Variants in PCDHA6 observed in about 807,000 individuals in gnomAD.
PCDHA6 encodes protocadherin alpha 6.
In PCDHA6, 55 loss-of-function variants were observed where a neutral mutation model predicts 60.3. The observed-to-expected ratio is 0.91, with a 90% confidence interval of 0.73 to 1.14. The LOEUF is 1.14. PCDHA6 is among the 50% of genes most tolerant of loss of function. PCDHA6 has a pLI of 0.00. For missense variants in PCDHA6, 1,327 were observed against 1,256.5 expected, an observed-to-expected ratio of 1.06 and a Z score of -0.85; for synonymous variants, 652 against 557.9, an observed-to-expected ratio of 1.17 and a Z score of -2.38.
intron 1 of PCDHA6, chr5:140,926,257 C>CT (rs1336723706): frequency 4.6e-5 from 7 of 152,300 alleles, no homozygotes; most frequent in African/African-American, 1.7e-4. Flanking sequence ...ACCGTCCCGC[C>CT]TCTCGCCGCC....
chr5:140,970,473 CA>C (rs1177454514), intron 1 of PCDHA6, among the ~76,000 whole-genome samples: 4 of 151,956 alleles, frequency 2.6e-5, no homozygotes, highest in African/African-American at 9.7e-5. Flanking sequence ...GGTATAAGGC[CA>C]GCTTGTTCAT....
At chr5:140,967,944 A>T in intron 1 of PCDHA6, 1 of 1,614,088 alleles carries the variant, frequency 6.2e-7, no homozygotes, top group Non-Finnish European at 8.5e-7. Flanking sequence ...AATGACCAAG[A>T]CTCAGGCCCC....
At chr5:140,896,657 A>G (rs1554187043) in intron 1 of PCDHA6, among the ~76,000 whole-genome samples, 1 of 152,010 alleles carries the variant, frequency 6.6e-6, no homozygotes, top group East Asian at 1.9e-4. Flanking sequence ...TATTACAGGC[A>G]TGAGTCACTG....
chr5:140,869,340 G>A (rs1554162920), intron 1 of PCDHA6: 4 of 1,614,018 alleles, frequency 2.5e-6, no homozygotes, highest in Non-Finnish European at 3.4e-6. Flanking sequence ...AGGTAAATCT[G>A]CAGAATGGCA....
intron 1 of PCDHA6, among the ~76,000 whole-genome samples, chr5:140,916,135 T>TG (rs1178819787): frequency 6.6e-6 from 1 of 152,126 alleles, no homozygotes; most frequent in Non-Finnish European, 1.5e-5. Flanking sequence ...GCTTAAGGGC[T>TG]GTTCAGTTGT....
intron 1 of PCDHA6, among the ~76,000 whole-genome samples, chr5:140,886,931 G>A (rs1426144437): frequency 6.6e-6 from 1 of 151,756 alleles, no homozygotes; most frequent in Non-Finnish European, 1.5e-5. Context: ...CTATGTGCCA[G>A]GCATGTTCTA....
chr5:140,935,605 T>C (rs1554210594), intron 1 of PCDHA6, among the ~76,000 whole-genome samples: 4 of 152,228 alleles, frequency 2.6e-5, no homozygotes. Flanking sequence ...AGAGCTAGGC[T>C]TTTTTCAAGT....
intron 1 of PCDHA6, chr5:140,863,295 C>A: frequency 6.8e-7 from 1 of 1,463,648 alleles, no homozygotes; most frequent in South Asian, 1.1e-5. Context: ...TGTACCTGAT[C>A]ATCGCCATCT....
At position 140,843,586 on chromosome 5, in the gene PCDHA6, G is replaced by A. The variant is rs2150363126; in HGVS notation, c.2394+13101G>A. 23 of 1,596,010 alleles carry A rather than the reference G, an allele frequency of 1.4e-5. 4 individuals carry two copies. The highest frequency in any genetic ancestry group is 5.4e-5 in the African/African-American group (4 of 74,542). ...GCTGGTCATACTCGCAACAACAGCC[G>A]CAGAGGGTGTGCTCTGGTGAGGGGC... On this transcript the variant is annotated intron_variant, in intron 1 of 3. Coordinates refer to ENST00000529310, the MANE Select transcript of PCDHA6 (RefSeq NM_018909.4).
At chr5:140,952,807 C>T (rs1390694306) in intron 1 of PCDHA6, among the ~76,000 whole-genome samples, 2 of 152,158 alleles carry the variant, frequency 1.3e-5, no homozygotes, top group Admixed American at 6.5e-5. Context: ...CGCAGTTCTG[C>T]AGGCTGTACA....
At position 140,903,003 on chromosome 5, in the gene PCDHA6, A is replaced by C. The variant is rs115622636; in HGVS notation, c.2394+72518A>C. On this transcript the variant is annotated intron_variant, in intron 1 of 3. Transcript: ENST00000529310. ...TGGTTCCATATTTTTGCAATTGTGAATTGTGCTGCTATCAACATGGCTTGC... is the reference window on the plus strand; with the variant it reads ...TGGTTCCATATTTTTGCAATTGTGACTTGTGCTGCTATCAACATGGCTTGC... Among the ~76,000 whole-genome samples the C allele has an allele frequency of 4.6e-3, 703 of 152,302 alleles. 3 individuals are homozygous for C. The highest frequency in any genetic ancestry group is 0.016 in the African/African-American group (680 of 41,574).
At chr5:140,858,424 C>T in intron 1 of PCDHA6, 3 of 1,553,410 alleles carry the variant, frequency 1.9e-6, no homozygotes, top group Non-Finnish European at 2.6e-6. Context: ...TTGGAGGGGA[C>T]CACTCTAGGA....
intron 1 of PCDHA6, chr5:140,859,356 A>T (rs1159666697): frequency 4.0e-6 from 1 of 251,742 alleles, no homozygotes; most frequent in African/African-American, 2.3e-5. Context: ...TACTGATCTG[A>T]TATATTGTAT....
At chr5:141,006,423 C>T (rs1554260738) in intron 3 of PCDHA6, among the ~76,000 whole-genome samples, 1 of 152,060 alleles carries the variant, frequency 6.6e-6, no homozygotes, top group African/African-American at 2.4e-5. Context: ...CTGTGTTAGC[C>T]AGGATGGTCT....
At chr5:140,889,267 A>C (rs1376262292) in intron 1 of PCDHA6, among the ~76,000 whole-genome samples, 1 of 151,966 alleles carries the variant, frequency 6.6e-6, no homozygotes. Context: ...AAGTTTGTAT[A>C]ATCTTTGAAT....
intron 1 of PCDHA6, among the ~76,000 whole-genome samples, chr5:140,923,640 T>G (rs2081459480): frequency 6.6e-6 from 1 of 152,234 alleles, no homozygotes; most frequent in African/African-American, 2.4e-5. Flanking sequence ...GCAAAAATCT[T>G]TAGCCTCCCT....
At chr5:140,934,502 A>G (rs1311901724) in intron 1 of PCDHA6, among the ~76,000 whole-genome samples, 2 of 152,144 alleles carry the variant, frequency 1.3e-5, no homozygotes, top group Non-Finnish European at 2.9e-5. Flanking sequence ...TAAACACCCA[A>G]AGGGTCCATA....
intron 3 of PCDHA6, among the ~76,000 whole-genome samples, chr5:140,997,576 G>A (rs528258685): frequency 5.9e-5 from 9 of 152,166 alleles, no homozygotes; most frequent in African/African-American, 2.4e-5. Flanking sequence ...TGTGTGGTCC[G>A]TTGTTGACTG....
intron 1 of PCDHA6, chr5:140,860,447 A>T (rs1242809569): frequency 6.6e-6 from 1 of 152,198 alleles, no homozygotes; most frequent in East Asian, 1.9e-4. Context: ...TTTCATATTA[A>T]TTCACGTGAT....
Sources: gnomAD v4.1 joint callset for allele counts (sites outside exome capture counted in the v4.1 genomes callset) on GRCh38, gnomAD v4.1.1 for gene constraint, MANE v1.5 for transcripts, NCBI Gene and HGNC (gene_info 2026-07-23, HGNC 2026-07-21) for gene names.